SGIP1: variants seen among roughly 807,000 people sequenced by gnomAD.
SGIP1 encodes the protein SH3GL interacting endocytic adaptor 1.
In SGIP1, 38 loss-of-function variants were observed where a neutral mutation model predicts 107.5. That is an observed-to-expected ratio of 0.35 (90% CI 0.27 to 0.46). SGIP1 has a LOEUF of 0.46. Among genes scored for constraint, SGIP1 ranks in the 20% least tolerant of loss-of-function variants. The pLI, the probability that SGIP1 is intolerant of heterozygous loss-of-function variation, is 1.00. For synonymous variants in SGIP1, 365 were observed against 366.1 expected (o/e 1.00, Z 0.03); for missense variants, 929 against 1,019.5 (o/e 0.91, Z 1.21).
At chr1:66,689,419 G>C (rs1487279407) in intron 16 of SGIP1, 144 bp downstream of exon 16, 1 of 1,065,706 alleles carries the variant, frequency 9.4e-7, no homozygotes, top group Non-Finnish European at 1.3e-6. Context: ...TGCGGTATGA[G>C]TGTACATTTC....
chr1:66,594,350 A>G (rs1269531419), intron 1 of SGIP1, among the ~76,000 whole-genome samples: 1 of 152,228 alleles, frequency 6.6e-6, no homozygotes, highest in Non-Finnish European at 1.5e-5. Flanking sequence ...TGTTATTAAC[A>G]TTAACTTACT....
chr1:66,543,940 T>G (rs906128595), intron 1 of SGIP1, among the ~76,000 whole-genome samples: 2 of 152,210 alleles, frequency 1.3e-5, no homozygotes, highest in African/African-American at 4.8e-5. Flanking sequence ...TGGTAAAGTT[T>G]AATTTATAAA....
chr1:66,577,116 G>A (rs928952942), intron 1 of SGIP1, among the ~76,000 whole-genome samples: 14 of 152,214 alleles, frequency 9.2e-5, no homozygotes, highest in African/African-American at 3.1e-4. Context: ...TTTTGCCCCA[G>A]ATGAAGTGCA....
At chr1:66,736,374 G>T (rs2094243846) in intron 21 of SGIP1, among the ~76,000 whole-genome samples, 3 of 121,446 alleles carry the variant, frequency 2.5e-5, no homozygotes, top group African/African-American at 6.1e-5. Context: ...TGATATATGT[G>T]AATATAATAT....
intron 2 of SGIP1, among the ~76,000 whole-genome samples, chr1:66,628,980 C>T (rs2073623536): frequency 6.6e-6 from 1 of 152,172 alleles, no homozygotes. Flanking sequence ...TCATGAACTC[C>T]CTAATGCTTT....
At chr1:66,601,908 A>G (rs1344419314) in intron 1 of SGIP1, among the ~76,000 whole-genome samples, 1 of 151,906 alleles carries the variant, frequency 6.6e-6, no homozygotes, top group Non-Finnish European at 1.5e-5. Context: ...CTGATTCAGA[A>G]AGCTTTTCCT....
chr1:66,662,944 A>G (rs967652407), intron 8 of SGIP1, among the ~76,000 whole-genome samples: 4 of 152,242 alleles, frequency 2.6e-5, no homozygotes, highest in African/African-American at 7.2e-5. Context: ...TATGTATGAT[A>G]CAAATGGCTG....
intron 1 of SGIP1, among the ~76,000 whole-genome samples, chr1:66,585,265 G>C (rs927088393): frequency 1.3e-5 from 2 of 152,054 alleles, no homozygotes; most frequent in Non-Finnish European, 2.9e-5. Context: ...TATTGTTTTT[G>C]ACAGTCCTCT....
intron 1 of SGIP1, among the ~76,000 whole-genome samples, chr1:66,624,449 T>C (rs1018539042): frequency 6.6e-6 from 1 of 152,328 alleles, no homozygotes; most frequent in African/African-American, 2.4e-5. Context: ...TAGTTTTATA[T>C]GGGAGGACTT....
intron 15 of SGIP1, chr1:66,684,272 A>T: frequency 6.5e-7 from 1 of 1,536,810 alleles, no homozygotes; most frequent in South Asian, 1.2e-5. Flanking sequence ...TTCCAAACTT[A>T]TTTGACTACT....
rs189263233 is a variant in SGIP1 at position 66,652,730 on chromosome 1, C to T, written c.460-7783C>T. On this transcript the variant is annotated intron_variant, in intron 7 of 24. Transcript: ENST00000371037. ...CCTGTCCTCACTTCAGCAGAAGGTTCAGCACCCCATTGAGTTCAGTGAAAA... is the reference window on the plus strand; with the variant it reads ...CCTGTCCTCACTTCAGCAGAAGGTTTAGCACCCCATTGAGTTCAGTGAAAA... Among the ~76,000 whole-genome samples the T allele has an allele frequency of 4.6e-3, 706 of 151,888 alleles. 20 individuals carry two copies. The highest frequency in any genetic ancestry group is 0.043 in the Admixed American group (662 of 15,226).
intron 18 of SGIP1, among the ~76,000 whole-genome samples, chr1:66,710,710 T>C (rs1013389556): frequency 1.1e-4 from 17 of 152,170 alleles, no homozygotes; most frequent in African/African-American, 4.1e-4. Flanking sequence ...CAAGTGAAAT[T>C]GCCAGTCTTA....
Position 66,735,592 on chromosome 1 carries a change from G to A in SGIP1, c.2031+1712G>A, listed in dbSNP as rs1471595932. On this transcript the variant is annotated intron_variant, in intron 21 of 24. Coordinates refer to ENST00000371037, the MANE Select transcript of SGIP1 (RefSeq NM_032291.4). ...TCCCAGCACTTTGGGAGGCCGAGGC[G>A]GGTGGATCATGAGGTCAGGAGATCG... Among the ~76,000 whole-genome samples the A allele has an allele frequency of 5.3e-4, 9 of 16,880 alleles. 1 individual carries two copies. Among genetic ancestry groups the A allele is most frequent in the East Asian group, 2.0e-3 (6 of 2,992 alleles). 11.1% of individuals were successfully genotyped at this position (16,880 alleles called of 152,430 possible).
chr1:66,722,355 T>A (rs2093580055), intron 19 of SGIP1, among the ~76,000 whole-genome samples: 1 of 152,154 alleles, frequency 6.6e-6, no homozygotes, highest in South Asian at 2.1e-4. Context: ...TACCTCATGT[T>A]CTCTGTCTCC....
At position 66,744,507 on chromosome 1, in the gene SGIP1, C is replaced by A. The variant is rs901055615; in HGVS notation, c.*1412C>A. On this transcript the variant is annotated 3_prime_UTR_variant, in exon 25 of 25. Transcript: ENST00000371037. ...AACTTATTTAAACATAAACCAATTTCTATTACAGGTTATGCTATTAAATAG... is the reference window on the plus strand; with the variant it reads ...AACTTATTTAAACATAAACCAATTTATATTACAGGTTATGCTATTAAATAG... The A allele has an allele frequency of 6.6e-6, 1 of 151,996 alleles. No individual in the cohort carries two copies. Among genetic ancestry groups the A allele is most frequent in the African/African-American group, 2.4e-5 (1 of 41,430 alleles). 9.4% of individuals were successfully genotyped at this position (151,996 alleles called of 1,614,324 possible).
rs7553325 is a variant in SGIP1 at position 66,544,421 on chromosome 1, C to G, written c.10+10053C>G. On this transcript the variant is annotated intron_variant, in intron 1 of 24. Coordinates refer to ENST00000371037, the MANE Select transcript of SGIP1 (RefSeq NM_032291.4). ...AGAATACAGGCCGGGAGAGGTGGCT[C>G]ATACCTGTAATTCCAGCCCTTAGGG... 4.6e-5 allele frequency among the ~76,000 whole-genome samples: 7 copies of G among 152,112 alleles called. No individual in the cohort carries two copies. In the East Asian group the frequency reaches 1.4e-3, roughly 29 times the overall value.
chr1:66,545,093 C>G (rs1571090590), intron 1 of SGIP1, among the ~76,000 whole-genome samples: 1 of 152,148 alleles, frequency 6.6e-6, no homozygotes, highest in Admixed American at 6.5e-5. Context: ...CACATCTGAT[C>G]AGACCTTGCT....
intron 11 of SGIP1, among the ~76,000 whole-genome samples, chr1:66,672,328 G>A (rs1033069182): frequency 6.6e-6 from 1 of 152,190 alleles, no homozygotes; most frequent in Non-Finnish European, 1.5e-5. Context: ...ATTACCCTAC[G>A]AAAAGAAGCC....
rs750462488 is a variant in SGIP1 at position 66,594,228 on chromosome 1, G to GGT, written c.11-31614_11-31613dup. On this transcript the variant is annotated intron_variant, in intron 1 of 24. Coordinates refer to ENST00000371037, the MANE Select transcript of SGIP1 (RefSeq NM_032291.4). ...AAACTTTTTTTCATTTTAATGTAAA[G>GGT]GTGTGTACCTATCTAAAATTCTTAA... Among the ~76,000 whole-genome samples the GGT allele has an allele frequency of 5.9e-4, 90 of 152,112 alleles. 1 individual carries two copies. The highest frequency in any genetic ancestry group is 5.7e-4 in the Non-Finnish European group (39 of 68,032).
Sources: allele counts gnomAD v4.1 joint callset (sites outside exome capture counted in the v4.1 genomes callset), GRCh38; gene constraint gnomAD v4.1.1; transcripts MANE v1.5; gene names NCBI Gene and HGNC (gene_info 2026-07-23, HGNC 2026-07-21).